The following CDC25B variants were observed in gnomAD, a reference collection of about 807,000 sequenced individuals.
CDC25B encodes cell division cycle 25B, also known as M-phase inducer phosphatase 2.
Under a neutral mutation model 69.8 loss-of-function variants are expected in CDC25B, and 33 were observed. The observed-to-expected ratio is 0.47, with a 90% CI of 0.36 to 0.63. CDC25B has a LOEUF of 0.63. CDC25B is among the 30% of genes least tolerant of loss of function. CDC25B has a pLI of 0.00. For synonymous variants in CDC25B, 341 were observed against 314.6 expected (o/e 1.08, Z -0.89); for missense variants, 727 against 809.1 (o/e 0.90, Z 1.23).
At position 3,801,990 on chromosome 20, in the gene CDC25B, C is replaced by T. The variant is rs376224294; in HGVS notation, c.988C>T (p.Arg330Trp). 73 of 1,609,136 alleles carry T rather than the reference C, an allele frequency of 4.5e-5. No homozygotes were observed. The highest frequency in any genetic ancestry group is 5.8e-5 in the Non-Finnish European group (68 of 1,178,006). Reference protein sequence around the residue: ...RSPSMPCSVIRPILKRLERPQ... With the variant: ...RSPSMPCSVIWPILKRLERPQ... ...TCCGTCCATGCCCTGCAGCGTGATC[C>T]GGCCCATCCTCAAGAGGCTGGAGCG... Residue 330 changes from arginine (R) to tryptophan (W), a missense_variant, in exon 10 of 16, where the codon CGG (arginine) becomes TGG (tryptophan). Arg to Trp is a moderately radical substitution (Grantham distance 101). Transcript: ENST00000245960.
intron 14 of CDC25B, 97 bp from the exon 15 acceptor site, chr20:3,804,472 C>T: frequency 1.3e-6 from 1 of 759,690 alleles, no homozygotes; most frequent in Non-Finnish European, 2.3e-6. Context: ...CTGTGGCTCC[C>T]CAAGGCCCTC....
At position 3,790,924 on chromosome 20, in the gene CDC25B, T is replaced by G. The variant is rs187210491; in HGVS notation, c.8+3785T>G. On this transcript the variant is annotated intron_variant, in intron 1 of 15. Coordinates refer to the CDC25B transcript ENST00000344256. Reference sequence around the variant, plus strand: ...TTTCACCATGTTGCCCAGGCTGGTCTCGAACTCCTGAGCTCAAGCGAGTCT... The same window carrying G: ...TTTCACCATGTTGCCCAGGCTGGTCGCGAACTCCTGAGCTCAAGCGAGTCT... Among the ~76,000 whole-genome samples the G allele has an allele frequency of 6.6e-5, 10 of 152,198 alleles. No individual in the cohort carries two copies. The East Asian group carries it at 2.0e-3, about 30-fold the overall frequency.
upstream of CDC25B, chr20:3,796,136 C>T: frequency 1.8e-6 from 2 of 1,083,378 alleles, no homozygotes; most frequent in Non-Finnish European, 2.2e-6. Flanking sequence ...TGGGATAAAT[C>T]TTAATTCCTC....
At chr20:3,789,359 T>C (rs1263121972) in intron 1 of CDC25B, among the ~76,000 whole-genome samples, 1 of 152,178 alleles carries the variant, frequency 6.6e-6, no homozygotes, top group Non-Finnish European at 1.5e-5. Flanking sequence ...TGAGGCACCA[T>C]GCCTGGCTAA....
intron 15 of CDC25B, 39 bp downstream of exon 15, chr20:3,804,719 G>A (rs1344484779): frequency 6.8e-7 from 1 of 1,467,716 alleles, no homozygotes; most frequent in East Asian, 2.7e-5. Flanking sequence ...CTGTGTGAGG[G>A]TTGGCTTGGC....
chr20:3,804,527 T>C, intron 14 of CDC25B, 42 bp from the exon 15 acceptor site: 2 of 1,299,466 alleles, frequency 1.5e-6, no homozygotes, highest in East Asian at 2.3e-5. Flanking sequence ...TACAAGCCAC[T>C]GCATGCCCCA....
At chr20:3,802,848 A>G (rs111823539) in intron 11 of CDC25B, 62 bp from the exon 12 acceptor site, 2 of 1,350,030 alleles carry the variant, frequency 1.5e-6, no homozygotes, top group Non-Finnish European at 1.1e-6. Context: ...TCATTCTTTG[A>G]GGCTCCTGGT....
At chr20:3,795,495 C>A (rs1344458054), upstream of CDC25B, among the ~76,000 whole-genome samples, 3 of 152,272 alleles carry the variant, frequency 2.0e-5, no homozygotes, top group East Asian at 5.8e-4. Flanking sequence ...ACCAAGTTAG[C>A]CAAATCATCA....
intron 5 of CDC25B, 23 bp downstream of exon 5, chr20:3,800,521 T>C: frequency 6.2e-7 from 1 of 1,613,670 alleles, no homozygotes. Flanking sequence ...GAGGCCTGAC[T>C]GAGGCTTAGG....
intron 6 of CDC25B, 34 bp downstream of exon 6, chr20:3,800,899 C>T (rs1462149136): frequency 3.7e-6 from 6 of 1,612,808 alleles, no homozygotes; most frequent in Admixed American, 3.3e-5. Flanking sequence ...GGGAGCTCTC[C>T]GGGAAGAGGA....
At position 3,797,534 on chromosome 20, in the gene CDC25B, C is replaced by A; in HGVS notation, c.201-88C>A. The A allele has an allele frequency of 2.6e-6, 4 of 1,515,698 alleles. No individual in the cohort carries two copies. In the South Asian group the frequency reaches 3.6e-5, roughly 14 times the overall value. 93.9% of individuals were successfully genotyped at this position (1,515,698 alleles called of 1,614,324 possible). A position where few individuals can be genotyped will look rare whatever the true frequency, so the allele number is the denominator to read the frequency against. Reference sequence around the variant, plus strand: ...GTGTAGTGTTTCGCTCAGTTCTTTTCTCAGCAAGGGAGTGGGAACGTGGGC... The same window carrying A: ...GTGTAGTGTTTCGCTCAGTTCTTTTATCAGCAAGGGAGTGGGAACGTGGGC... On this transcript the variant is annotated intron_variant, in intron 1 of 15. Coordinates refer to ENST00000245960, the MANE Select transcript of CDC25B (RefSeq NM_021873.4).
chr20:3,794,622 C>G (rs943688601), upstream of CDC25B, among the ~76,000 whole-genome samples: 1 of 152,092 alleles, frequency 6.6e-6, no homozygotes, highest in Non-Finnish European at 1.5e-5. Context: ...GGCTGGAGGT[C>G]CAGGGCATAA....
chr20:3,787,333 T>C (rs2088842439), intron 1 of CDC25B, among the ~76,000 whole-genome samples: 1 of 152,240 alleles, frequency 6.6e-6, no homozygotes, highest in South Asian at 2.1e-4. Context: ...TTTTTAATGA[T>C]TGTGTAGCAT....
At chr20:3,787,301 G>C (rs1191718628) in intron 1 of CDC25B, among the ~76,000 whole-genome samples, 3 of 152,078 alleles carry the variant, frequency 2.0e-5, no homozygotes, top group Non-Finnish European at 4.4e-5. Flanking sequence ...TGCCATATCG[G>C]TAAGTATCAT....
chr20:3,805,287 A>G lies in CDC25B; in HGVS notation c.*326A>G, dbSNP rs895232688. On this transcript the variant is annotated 3_prime_UTR_variant, in exon 16 of 16. Transcript: ENST00000245960. ...TAACCCTTCATCTTCCTGTGTCCTG[A>G]AACGCTCCTTTGTGTGTGTGTCAGC... 8.1e-6 allele frequency: 3 copies of G among 370,756 alleles called. No homozygotes were observed. Among genetic ancestry groups the G allele is most frequent in the South Asian group, 3.7e-5 (1 of 27,384 alleles). The allele number at this position is 370,756 out of a possible 1,614,324, so 23.0% of individuals were successfully genotyped here.
chr20:3,800,249 G>A (rs2146685444), intron 3 of CDC25B, 39 bp from the exon 4 acceptor site: 1 of 1,428,982 alleles, frequency 7.0e-7, no homozygotes, highest in Non-Finnish European at 9.6e-7. Flanking sequence ...GATGGGTGCG[G>A]AGGGAGCATG....
At position 3,803,200 on chromosome 20, in the gene CDC25B, C is replaced by T. The variant is rs762282099; in HGVS notation, c.1350C>T (p.His450=). 6.2e-6 allele frequency: 10 copies of T among 1,611,620 alleles called. No individual in the cohort carries two copies. Among genetic ancestry groups the T allele is most frequent in the Non-Finnish European group, 8.5e-6 (10 of 1,177,952 alleles). ...ACCCCTATGAATATGAAGGCGGGCA[C>T]ATCAAGGTAAGATGGGGCAATGGGG... ...CRYPYEYEGG[H]IKTAVNLPLE... The change falls in exon 13 of 16, where the codon CAC becomes CAT. Residue 450 remains histidine, a synonymous_variant. Transcript: ENST00000245960. The surrounding 1 kb of genome is among the most constrained non-coding windows in gnomAD (Gnocchi z 4.9).
Position 3,803,507 on chromosome 20 carries a change from G to A in CDC25B, c.1460G>A (p.Cys487Tyr). The A allele has an allele frequency of 1.2e-6, 2 of 1,614,094 alleles. No individual in the cohort carries two copies. The highest frequency in any genetic ancestry group is 1.7e-6 in the Non-Finnish European group (2 of 1,180,004). Residue 487 changes from cysteine to tyrosine, a missense_variant, in exon 14 of 16, where the codon TGT (cysteine) becomes TAT (tyrosine). Cys to Tyr is a radical substitution (Grantham distance 194). Transcript: ENST00000245960. The surrounding 1 kb of genome is among the most constrained non-coding windows in gnomAD (Gnocchi z 4.9). Reference sequence around the variant, plus strand: ...AAGAGAGTCATCCTCATTTTCCACTGTGAATTCTCATCTGAGCGTGGGCCC... The same window carrying A: ...AAGAGAGTCATCCTCATTTTCCACTATGAATTCTCATCTGAGCGTGGGCCC... ...LDKRVILIFH[C>Y]EFSSERGPRM...
In CDC25B at chr20:3,796,592, G is replaced by A. The variant is rs2089061789; in HGVS notation, c.61G>A (p.Gly21Ser). The change falls in exon 1 of 16, where the codon GGT (glycine) becomes AGT (serine). Residue 21 changes from glycine to serine, a missense_variant. By Grantham distance (56) the Gly-to-Ser change is moderately conservative. This residue lies in a region of CDC25B where 368 missense variants were observed against 345.6 expected (regional missense o/e 1.06). Coordinates refer to ENST00000245960, the MANE Select transcript of CDC25B (RefSeq NM_021873.4). ...GGCTCTCAGTCCAGCAGGCGTGTGC[G>A]GTGGCGCCCAGCGTCCGGGCCACCT... ...GSALSPAGVCGGAQRPGHLPG... is the reference protein window; with the variant it reads ...GSALSPAGVCSGAQRPGHLPG... 16 of 1,443,984 alleles carry A rather than the reference G, an allele frequency of 1.1e-5. No individual in the cohort carries two copies. Among genetic ancestry groups the A allele is most frequent in the Non-Finnish European group, 1.4e-5 (15 of 1,103,046 alleles). 89.4% of individuals were successfully genotyped at this position (1,443,984 alleles called of 1,614,324 possible).
Sources: gnomAD v4.1 joint callset for allele counts (sites outside exome capture counted in the v4.1 genomes callset) on GRCh38, gnomAD v4.1.1 for gene constraint, gnomAD v4.1.1 regional missense constraint, Gnocchi (gnomAD v3.1) non-coding constraint, MANE v1.5 for transcripts, NCBI Gene and HGNC (gene_info 2026-07-23, HGNC 2026-07-21) for gene names.